The following IQCH variants were observed in gnomAD, a reference collection of about 807,000 sequenced individuals.
IQCH encodes the protein IQ domain-containing protein H.
Under a neutral mutation model 117.0 loss-of-function variants are expected in IQCH, and 98 were observed. The ratio of observed to expected loss-of-function variants is 0.84; its 90% CI spans 0.71 to 0.99. The LOEUF is 0.99. Among genes scored for constraint, IQCH ranks in the 50% least tolerant of loss-of-function variants. The pLI, the probability that IQCH is intolerant of heterozygous loss-of-function variation, is 0.00. For missense variants in IQCH, 1,102 were observed against 1,243.8 expected, an observed-to-expected ratio of 0.89 and a Z score of 1.72; for synonymous variants, 412 against 448.2, an observed-to-expected ratio of 0.92 and a Z score of 1.02.
At chr15:67,283,249 C>T (rs1019839156) in intron 4 of IQCH, among the ~76,000 whole-genome samples, 1 of 152,168 alleles carries the variant, frequency 6.6e-6, no homozygotes, top group Admixed American at 6.5e-5. Flanking sequence ...CATGAGGCAA[C>T]CAGTGTTAAC....
chr15:67,291,479 TA>T (rs988477398), intron 4 of IQCH, among the ~76,000 whole-genome samples: 56 of 151,858 alleles, frequency 3.7e-4, no homozygotes, highest in Admixed American at 1.4e-3. Context: ...CAATCAAACA[TA>T]AAAAAAATAC....
chr15:67,296,315 G>A (rs1175522546), intron 4 of IQCH, among the ~76,000 whole-genome samples: 2 of 152,184 alleles, frequency 1.3e-5, no homozygotes, highest in Non-Finnish European at 1.5e-5. Context: ...GAAGACATTC[G>A]CAGAAGAGGG....
intron 4 of IQCH, among the ~76,000 whole-genome samples, chr15:67,296,732 G>A (rs576791047): frequency 6.6e-6 from 1 of 152,302 alleles, no homozygotes; most frequent in African/African-American, 2.4e-5. Flanking sequence ...GTGATGAAAT[G>A]AGGCTTTGGA....
chr15:67,423,572 AGT>A (rs2081803614), intron 16 of IQCH, among the ~76,000 whole-genome samples: 1 of 145,946 alleles, frequency 6.9e-6, no homozygotes, highest in Non-Finnish European at 1.5e-5. Context: ...TGGGTGACAG[AGT>A]GAGAACCTGT....
At position 67,288,654 on chromosome 15, in the gene IQCH, C is replaced by A. The variant is rs139431511; in HGVS notation, c.387+9142C>A. Reference sequence around the variant, plus strand: ...GTGTCTTTATAGGTAAAATGCATTTCTTGTAGGCAACATATCATTGGGTCT... The same window carrying A: ...GTGTCTTTATAGGTAAAATGCATTTATTGTAGGCAACATATCATTGGGTCT... On this transcript the variant is annotated intron_variant, in intron 4 of 20. Transcript: ENST00000335894. Among the ~76,000 whole-genome samples the A allele has an allele frequency of 5.3e-5, 8 of 152,092 alleles. No individual in the cohort carries two copies. In the East Asian group the frequency reaches 1.4e-3, roughly 26 times the overall value.
rs995164426 is a variant in IQCH at position 67,385,854 on chromosome 15, T to TA, written c.1456+836dup. Among the ~76,000 whole-genome samples, 286 of 152,318 alleles carry TA rather than the reference T, an allele frequency of 1.9e-3. No individual in the cohort carries two copies. Among genetic ancestry groups the TA allele is most frequent in the African/African-American group, 6.7e-3 (278 of 41,578 alleles). ...GTTAAAATACAATTTCTTTGGCCCTTATTTAAGAAAAACAAGGAAGAATTT... is the reference window on the plus strand; with the variant it reads ...GTTAAAATACAATTTCTTTGGCCCTTAATTTAAGAAAAACAAGGAAGAATTT... On this transcript the variant is annotated intron_variant, in intron 11 of 20. Transcript: ENST00000335894. This position sits in a 1 kb window ranked among gnomAD's most constrained non-coding sequence, Gnocchi z 4.6.
At chr15:67,310,322 T>C (rs1567085630) in intron 4 of IQCH, among the ~76,000 whole-genome samples, 1 of 152,164 alleles carries the variant, frequency 6.6e-6, no homozygotes, top group Non-Finnish European at 1.5e-5. Context: ...AGTGTGTGTG[T>C]GTACATTTGA....
At chr15:67,275,171 T>C (rs536045197) in intron 3 of IQCH, among the ~76,000 whole-genome samples, 1 of 152,340 alleles carries the variant, frequency 6.6e-6, no homozygotes, top group South Asian at 2.1e-4. Flanking sequence ...CTCCTGATAC[T>C]TTCCATGGGT....
At position 67,385,529 on chromosome 15, in the gene IQCH, G is replaced by A. The variant is rs1266223624; in HGVS notation, c.1456+510G>A. ...GAAAACGTGAAGTGCTTAATGGAGGGAATTTTTAGAAATACAGACCTTGAT... is the reference window on the plus strand; with the variant it reads ...GAAAACGTGAAGTGCTTAATGGAGGAAATTTTTAGAAATACAGACCTTGAT... On this transcript the variant is annotated intron_variant, in intron 11 of 20. Coordinates refer to ENST00000335894, the MANE Select transcript of IQCH (RefSeq NM_001031715.3). The surrounding 1 kb of genome is among the most constrained non-coding windows in gnomAD (Gnocchi z 4.6). Among the ~76,000 whole-genome samples the A allele has an allele frequency of 6.6e-6, 1 of 152,102 alleles. No individual in the cohort carries two copies. The highest frequency in any genetic ancestry group is 1.5e-5 in the Non-Finnish European group (1 of 68,028).
rs2082046634 is a variant in IQCH at position 67,432,795 on chromosome 15, A to G, written c.2505+11218A>G. Among the ~76,000 whole-genome samples the G allele has an allele frequency of 6.6e-6, 1 of 152,206 alleles. No homozygotes were observed. Among genetic ancestry groups the G allele is most frequent in the African/African-American group, 2.4e-5 (1 of 41,450 alleles). On this transcript the variant is annotated intron_variant, in intron 16 of 20. Coordinates refer to ENST00000335894, the MANE Select transcript of IQCH (RefSeq NM_001031715.3). The surrounding 1 kb of genome is among the most constrained non-coding windows in gnomAD (Gnocchi z 5.0). ...ATAATTCCTTCTTGTTCACTGCTGT[A>G]TACCCAGCACCTAGCACCCTGTCTA...
chr15:67,316,363 T>C (rs573739855), intron 4 of IQCH, among the ~76,000 whole-genome samples: 1 of 152,292 alleles, frequency 6.6e-6, no homozygotes, highest in South Asian at 2.1e-4. Context: ...GTTTTACTTT[T>C]TAAGATAAGG....
At position 67,465,376 on chromosome 15, in the gene IQCH, A is replaced by G; in HGVS notation, c.2676+79A>G. 7.0e-7 allele frequency: 1 copy of G among 1,423,350 alleles called. No homozygotes were observed. Among genetic ancestry groups the G allele is most frequent in the Non-Finnish European group, 9.6e-7 (1 of 1,038,126 alleles). The allele number at this position is 1,423,350 out of a possible 1,614,324, so 88.2% of individuals were successfully genotyped here. ...ACTGCCTGAGCTCTGTCTAGGAGCC[A>G]GGATCTTTGAGTACAGGAAGAAGAA... is the stretch of plus-strand genomic sequence containing the variant. On this transcript the variant is annotated intron_variant, in intron 17 of 20. Transcript: ENST00000335894. This position sits in a 1 kb window ranked among gnomAD's most constrained non-coding sequence, Gnocchi z 5.9.
At position 67,401,485 on chromosome 15, in the gene IQCH, CAA is replaced by C. The variant is rs1200857932; in HGVS notation, c.2097+1182_2097+1183del. Among the ~76,000 whole-genome samples the C allele has an allele frequency of 1.3e-5, 2 of 152,256 alleles. No individual in the cohort carries two copies. The highest frequency in any genetic ancestry group is 3.9e-4 in the East Asian group (2 of 5,186). On this transcript the variant is annotated intron_variant, in intron 14 of 20. Coordinates refer to ENST00000335894, the MANE Select transcript of IQCH (RefSeq NM_001031715.3). This position sits in a 1 kb window ranked among gnomAD's most constrained non-coding sequence, Gnocchi z 4.7. Reference sequence around the variant, plus strand: ...CCAGCATACATAGCAGTGGGCTATGCAAAGTGATTTGCGTCTGCTTTGAGCAT... The same window carrying C: ...CCAGCATACATAGCAGTGGGCTATGCAGTGATTTGCGTCTGCTTTGAGCAT...
chr15:67,367,716 G>T (rs1439174393), intron 8 of IQCH, among the ~76,000 whole-genome samples: 3 of 152,026 alleles, frequency 2.0e-5, no homozygotes, highest in Admixed American at 6.6e-5. Flanking sequence ...TGGTACGGGG[G>T]TAGGGGTCAG....
intron 3 of IQCH, among the ~76,000 whole-genome samples, chr15:67,275,529 GA>G (rs928659185): frequency 6.6e-6 from 1 of 152,080 alleles, no homozygotes; most frequent in African/African-American, 2.4e-5. Flanking sequence ...TTTGGAACTG[GA>G]AGACAGCATG....
chr15:67,340,444 A>C (rs1194039795), intron 5 of IQCH, among the ~76,000 whole-genome samples: 3,768 of 145,218 alleles, frequency 0.026, 105 homozygotes, highest in Non-Finnish European at 0.04. Context: ...AAAAAAAAAA[A>C]AAAAAAAAAA....
chr15:67,262,592 A>G (rs1289079211), intron 2 of IQCH, among the ~76,000 whole-genome samples: 1 of 152,198 alleles, frequency 6.6e-6, no homozygotes, highest in Non-Finnish European at 1.5e-5. Flanking sequence ...CTGTAAAAAA[A>G]AGACATTACT....
At chr15:67,339,033 ATATAT>A (rs1596212165) in intron 5 of IQCH, among the ~76,000 whole-genome samples, 2 of 152,318 alleles carry the variant, frequency 1.3e-5, no homozygotes, top group East Asian at 3.9e-4. Flanking sequence ...ATTTATCATA[ATATAT>A]TTATTTTAAA....
In IQCH at chr15:67,372,120, G is replaced by A; in HGVS notation, c.763G>A (p.Val255Ile). 6.2e-7 allele frequency: 1 copy of A among 1,601,700 alleles called. No homozygotes were observed. Among genetic ancestry groups the A allele is most frequent in the Non-Finnish European group, 8.5e-7 (1 of 1,175,536 alleles). ...TTCTTTTTTTCCACAGGCCATGAAAGTCAAAACACCTTTGAGAGCCCTGAA... is the reference window on the plus strand; with the variant it reads ...TTCTTTTTTTCCACAGGCCATGAAAATCAAAACACCTTTGAGAGCCCTGAA... ...RGHHDRKAMKVKTPLRALKSL... is the reference protein window; with the variant it reads ...RGHHDRKAMKIKTPLRALKSL... Residue 255 changes from valine to isoleucine, a missense_variant, in exon 9 of 21, where the codon GTC (valine) becomes ATC (isoleucine). By Grantham distance (29) the Val-to-Ile change is conservative. This residue lies in a region of IQCH where 452 missense variants were observed against 449.6 expected (regional missense o/e 1.01). Coordinates refer to ENST00000335894, the MANE Select transcript of IQCH (RefSeq NM_001031715.3).
Sources: allele counts gnomAD v4.1 joint callset (sites outside exome capture counted in the v4.1 genomes callset), GRCh38; gene constraint gnomAD v4.1.1; regional missense constraint gnomAD v4.1.1; non-coding constraint Gnocchi (gnomAD v3.1); transcripts MANE v1.5; gene names NCBI Gene and HGNC (gene_info 2026-07-23, HGNC 2026-07-21).